The following DDAH1 variants were observed in gnomAD, a reference collection of about 807,000 sequenced individuals.
DDAH1 encodes N(G),N(G)-dimethylarginine dimethylaminohydrolase 1.
In DDAH1, 19 loss-of-function variants were observed where a neutral mutation model predicts 28.8. The ratio of observed to expected loss-of-function variants is 0.66; its 90% CI spans 0.46 to 0.97. The LOEUF (loss-of-function observed/expected upper bound fraction) is 0.97. DDAH1 is among the 50% of genes least tolerant of loss of function. The pLI, the probability that DDAH1 is intolerant of heterozygous loss-of-function variation, is 0.00. For synonymous variants in DDAH1, 153 were observed against 154.4 expected (o/e 0.99, Z 0.07); for missense variants, 326 against 375.9 (o/e 0.87, Z 1.10).
intron 1 of DDAH1, among the ~76,000 whole-genome samples, chr1:85,431,954 CA>C (rs1376584910): frequency 6.6e-6 from 1 of 152,102 alleles, no homozygotes; most frequent in East Asian, 1.9e-4. Flanking sequence ...GCTAACATAC[CA>C]AATGAGTACA....
intron 1 of DDAH1, among the ~76,000 whole-genome samples, chr1:85,506,554 G>A (rs1194132188): frequency 6.6e-6 from 1 of 152,126 alleles, no homozygotes; most frequent in South Asian, 2.1e-4. Flanking sequence ...CTGATCCCCA[G>A]TCCACCCTAG....
intron 1 of DDAH1, among the ~76,000 whole-genome samples, chr1:85,461,433 C>T (rs1655122662): frequency 6.6e-6 from 1 of 152,072 alleles, no homozygotes; most frequent in African/African-American, 2.4e-5. Context: ...TTAAATGAAA[C>T]ACGATGTTTT....
chr1:85,577,164 A>C (rs911815864), intron 1 of DDAH1, among the ~76,000 whole-genome samples: 3 of 151,998 alleles, frequency 2.0e-5, no homozygotes, highest in Non-Finnish European at 2.9e-5. Context: ...GCGCGTCCGG[A>C]TGCCTCGCGT....
In DDAH1 at chr1:85,411,126, C is replaced by A. The variant is rs920106462; in HGVS notation, c.304-52279G>T. On this transcript the variant is annotated intron_variant, in intron 1 of 5. Coordinates refer to ENST00000284031, the MANE Select transcript of DDAH1 (RefSeq NM_012137.4). Reference sequence around the variant, plus strand: ...TGACCAGCTATCTTAGTCTAGCCCACAAGTTATCACAGCATCACAAAAAAC... The same window carrying A: ...TGACCAGCTATCTTAGTCTAGCCCAAAAGTTATCACAGCATCACAAAAAAC... Among the ~76,000 whole-genome samples the A allele has an allele frequency of 2.6e-4, 39 of 152,198 alleles. 1 individual carries two copies. Among genetic ancestry groups the A allele is most frequent in the African/African-American group, 8.2e-4 (34 of 41,438 alleles).
chr1:85,404,245 T>C, intron 1 of DDAH1: 1 of 716,170 alleles, frequency 1.4e-6, no homozygotes, highest in East Asian at 2.9e-5. Flanking sequence ...CCTCCATTTC[T>C]AGAATCCACT....
intron 4 of DDAH1, among the ~76,000 whole-genome samples, chr1:85,336,430 G>T (rs1164916689): frequency 6.6e-6 from 1 of 151,914 alleles, no homozygotes; most frequent in Non-Finnish European, 1.5e-5. Flanking sequence ...ACATGCTCCT[G>T]AATGACTACA....
intron 1 of DDAH1, among the ~76,000 whole-genome samples, chr1:85,446,870 A>G (rs965703027): frequency 2.1e-4 from 32 of 152,154 alleles, no homozygotes; most frequent in African/African-American, 6.0e-4. Flanking sequence ...CCTGATGTAC[A>G]CTATTCCTGC....
intron 2 of DDAH1, among the ~76,000 whole-genome samples, chr1:85,354,667 A>T (rs560654084): frequency 2.9e-4 from 44 of 152,014 alleles, no homozygotes; most frequent in South Asian, 4.2e-4. Context: ...AAGTTTTTTT[A>T]AAAAAAACCT....
intron 1 of DDAH1, chr1:85,435,109 T>G (rs1392416224): frequency 2.6e-5 from 4 of 152,186 alleles, no homozygotes; most frequent in African/African-American, 4.8e-5. Context: ...TGCTAACAGA[T>G]TATTGATGCT....
chr1:85,497,761 T>TA (rs1396898152), intron 1 of DDAH1, among the ~76,000 whole-genome samples: 3 of 152,226 alleles, frequency 2.0e-5, no homozygotes, highest in Non-Finnish European at 2.9e-5. Flanking sequence ...AATAAGATTA[T>TA]AAAATGTAAC....
At chr1:85,499,629 C>T (rs920314905) in intron 1 of DDAH1, among the ~76,000 whole-genome samples, 4 of 151,052 alleles carry the variant, frequency 2.6e-5, no homozygotes, top group South Asian at 2.1e-4. Context: ...GAGCCAAGAT[C>T]GCACCACTGC....
chr1:85,443,869 C>G (rs1557638048), intron 1 of DDAH1, among the ~76,000 whole-genome samples: 1 of 152,120 alleles, frequency 6.6e-6, no homozygotes, highest in Non-Finnish European at 1.5e-5. Context: ...GATTTTGTAT[C>G]CTGAGACTTT....
Position 85,464,403 on chromosome 1 carries a change from T to C in DDAH1, c.303+340A>G. 8.0e-7 allele frequency: 1 copy of C among 1,251,580 alleles called. No individual in the cohort carries two copies. The highest frequency in any genetic ancestry group is 1.5e-5 in the African/African-American group (1 of 66,456). The allele number at this position is 1,251,580 out of a possible 1,614,324, so 77.5% of individuals were successfully genotyped here. On this transcript the variant is annotated intron_variant, in intron 1 of 5. Coordinates refer to ENST00000284031, the MANE Select transcript of DDAH1 (RefSeq NM_012137.4). This position sits in a 1 kb window ranked among gnomAD's most constrained non-coding sequence, Gnocchi z 4.4. ...GAGCGGCACCCCTCGCGGCCCTCGC[T>C]CCCTGGGAAACACTCAGAGTTGCAC...
At position 85,497,670 on chromosome 1, in the gene DDAH1, A is replaced by G. The variant is rs1656648271; in HGVS notation, c.-122-1389T>C. 1.3e-5 allele frequency among the ~76,000 whole-genome samples: 2 copies of G among 152,250 alleles called. 1 individual carries two copies. Among genetic ancestry groups the G allele is most frequent in the African/African-American group, 4.8e-5 (2 of 41,470 alleles). On this transcript the variant is annotated intron_variant, in intron 1 of 6. Transcript: ENST00000426972. ...GCAAACATTTAAATGATTAGGAAGTACATATTTATGGTATGTTGAATGCAA... is the reference window on the plus strand; with the variant it reads ...GCAAACATTTAAATGATTAGGAAGTGCATATTTATGGTATGTTGAATGCAA...
chr1:85,332,081 C>T (rs1371815930), intron 4 of DDAH1, among the ~76,000 whole-genome samples: 3 of 152,166 alleles, frequency 2.0e-5, no homozygotes, highest in African/African-American at 4.8e-5. Context: ...TCCCGGGGTC[C>T]GTGTGGCAGC....
At chr1:85,509,863 T>G (rs990274172) in intron 1 of DDAH1, among the ~76,000 whole-genome samples, 3 of 152,196 alleles carry the variant, frequency 2.0e-5, no homozygotes, top group African/African-American at 7.2e-5. Context: ...CTACATTTGA[T>G]TGGTGTACCT....
intron 1 of DDAH1, among the ~76,000 whole-genome samples, chr1:85,462,039 A>T (rs189472845): frequency 1.1e-3 from 167 of 152,372 alleles, no homozygotes; most frequent in African/African-American, 3.1e-3. Flanking sequence ...GAGTTCAAAG[A>T]GTTGATGTGA....
chr1:85,359,612 A>G (rs926401792), intron 1 of DDAH1, among the ~76,000 whole-genome samples: 4 of 152,246 alleles, frequency 2.6e-5, no homozygotes, highest in African/African-American at 9.6e-5. Context: ...TTTCTATTCA[A>G]ATATTTTGTA....
Position 85,324,760 on chromosome 1 carries a change from C to CT in DDAH1, c.720dup (p.Glu241ArgfsTer10). On this transcript the variant is annotated frameshift_variant, in exon 5 of 6. Transcript: ENST00000284031. LOFTEE classifies it high-confidence loss of function. ...TTTACCTTTGCACTTTCTGGATACT[C>CT]TTCCGGGGTTCGGTGCAGCAAGACG... The CT allele has an allele frequency of 6.2e-7, 1 of 1,614,124 alleles. No homozygotes were observed. Among genetic ancestry groups the CT allele is most frequent in the Non-Finnish European group, 8.5e-7 (1 of 1,180,014 alleles).
Sources: allele counts gnomAD v4.1 joint callset (sites outside exome capture counted in the v4.1 genomes callset), GRCh38; gene constraint gnomAD v4.1.1; non-coding constraint Gnocchi (gnomAD v3.1); transcripts MANE v1.5; gene names NCBI Gene and HGNC (gene_info 2026-07-23, HGNC 2026-07-21).